SLC28A3: variants seen among roughly 807,000 people sequenced by gnomAD.
SLC28A3 encodes solute carrier family 28 member 3.
In SLC28A3, 68 loss-of-function variants were observed where a neutral mutation model predicts 84.2. The ratio of observed to expected loss-of-function variants is 0.81; its 90% CI spans 0.66 to 0.99. SLC28A3 has a LOEUF of 0.99. Ranked by LOEUF, SLC28A3 falls within the 50% of genes least tolerant of loss-of-function variation. SLC28A3 has a pLI of 0.00. For missense variants in SLC28A3, 712 were observed against 841.5 expected (o/e 0.85, Z 1.90); for synonymous variants, 267 against 303.6 (o/e 0.88, Z 1.25).
intron 5 of SLC28A3, 55 bp downstream of exon 5, chr9:84,302,145 G>A (rs1825655831): frequency 1.9e-6 from 3 of 1,550,474 alleles, no homozygotes; most frequent in East Asian, 4.5e-5. Context: ...TTGAAACGGT[G>A]TTGGAAAGGA....
intron 1 of SLC28A3, among the ~76,000 whole-genome samples, chr9:84,315,400 C>G (rs1332977441): frequency 6.6e-6 from 1 of 152,154 alleles, no homozygotes; most frequent in African/African-American, 2.4e-5. Flanking sequence ...CTTACGGAAT[C>G]CTGACATTTT....
Position 84,275,997 on chromosome 9 carries a change from T to C in SLC28A3, c.*2221A>G, listed in dbSNP as rs1588548506. 1 of 152,156 alleles carries C rather than the reference T, an allele frequency of 6.6e-6. No individual in the cohort carries two copies. The highest frequency in any genetic ancestry group is 2.1e-4 in the South Asian group (1 of 4,834). 9.4% of individuals were successfully genotyped at this position (152,156 alleles called of 1,614,324 possible). The stretch of plus-strand genomic sequence containing the variant: ...CAGAAATATACACACACTTCAAACC[T>C]GGGAAATCATCCTATGAATCTGCTC... On this transcript the variant is annotated 3_prime_UTR_variant, in exon 18 of 18. Coordinates refer to ENST00000376238, the MANE Select transcript of SLC28A3 (RefSeq NM_001199633.2).
rs111722699 is a variant in SLC28A3, at chr9:84,288,916, C to T, written c.1150-738G>A. ...GGAGAAGGGACTCATGATTCATGTG[C>T]AGATGTGTATATTCTCCTCTCTCCA... is the stretch of plus-strand genomic sequence containing the variant. On this transcript the variant is annotated intron_variant, in intron 11 of 17. Coordinates refer to ENST00000376238, the MANE Select transcript of SLC28A3 (RefSeq NM_001199633.2). 5.3e-5 allele frequency among the ~76,000 whole-genome samples: 8 copies of T among 152,250 alleles called. 1 individual carries two copies. The highest frequency in any genetic ancestry group is 1.9e-4 in the African/African-American group (8 of 41,560).
the SLC28A3 span, among the ~76,000 whole-genome samples, chr9:84,345,844 C>A: frequency 2.6e-5 from 4 of 152,178 alleles, no homozygotes; most frequent in African/African-American, 9.7e-5. Flanking sequence ...ATTCTGACTC[C>A]TTGCAGCACC....
At chr9:84,302,646 G>T (rs1825674837) in intron 4 of SLC28A3, among the ~76,000 whole-genome samples, 1 of 152,148 alleles carries the variant, frequency 6.6e-6, no homozygotes, top group Non-Finnish European at 1.5e-5. Flanking sequence ...GACCTTCTGA[G>T]TTCTTGAATC....
the SLC28A3 span, among the ~76,000 whole-genome samples, chr9:84,362,736 A>G: frequency 2.0e-5 from 3 of 152,102 alleles, no homozygotes; most frequent in Middle Eastern, 3.2e-3. Flanking sequence ...TTTAAATGCC[A>G]TGGACCGCTT....
intron 1 of SLC28A3, among the ~76,000 whole-genome samples, chr9:84,333,188 G>T (rs192727445): frequency 6.6e-6 from 1 of 152,148 alleles, no homozygotes; most frequent in Non-Finnish European, 1.5e-5. Flanking sequence ...TAATACAGAC[G>T]AAATGGGGTA....
intron 1 of SLC28A3, among the ~76,000 whole-genome samples, chr9:84,318,648 C>T (rs879536007): frequency 6.6e-6 from 1 of 152,000 alleles, no homozygotes; most frequent in Admixed American, 6.6e-5. Flanking sequence ...GAGGTTGGAT[C>T]GCCTGAGGTC....
chr9:84,305,148 G>A, intron 4 of SLC28A3, 106 bp downstream of exon 4: 23 of 957,522 alleles, frequency 2.4e-5, no homozygotes, highest in Non-Finnish European at 3.6e-5. Flanking sequence ...AGGTCCCAGA[G>A]AAAATAAAGG....
At chr9:84,354,370 C>A in the SLC28A3 span, among the ~76,000 whole-genome samples, 1 of 152,186 alleles carries the variant, frequency 6.6e-6, no homozygotes, top group Admixed American at 6.5e-5. Flanking sequence ...TAAATACCAT[C>A]CCCCCTGAAA....
chr9:84,333,312 C>CA (rs1422491394), intron 1 of SLC28A3, among the ~76,000 whole-genome samples: 1 of 152,040 alleles, frequency 6.6e-6, no homozygotes, highest in African/African-American at 2.4e-5. Flanking sequence ...TCCTTGTGGG[C>CA]AAAACATGGG....
intron 14 of SLC28A3, among the ~76,000 whole-genome samples, chr9:84,283,412 TTA>T (rs1437593830): frequency 6.6e-6 from 1 of 152,222 alleles, no homozygotes; most frequent in Non-Finnish European, 1.5e-5. Context: ...TTAAGATGAA[TTA>T]CGGTGTGCTA....
chr9:84,355,509 C>T, the SLC28A3 span, among the ~76,000 whole-genome samples: 1 of 152,166 alleles, frequency 6.6e-6, no homozygotes, highest in Admixed American at 6.5e-5. Context: ...CACCAGATAT[C>T]ATGAACTTCT....
chr9:84,301,521 A>C (rs1219038273), intron 5 of SLC28A3, among the ~76,000 whole-genome samples: 2 of 152,200 alleles, frequency 1.3e-5, no homozygotes. Flanking sequence ...TATTTTGACC[A>C]TAGCCCCATG....
chr9:84,338,436 C>G (rs569014636), intron 1 of SLC28A3, among the ~76,000 whole-genome samples: 2 of 152,178 alleles, frequency 1.3e-5, no homozygotes, highest in Non-Finnish European at 2.9e-5. Context: ...GACAAATTGT[C>G]TTCACTATTT....
At chr9:84,310,249 A>T in intron 2 of SLC28A3, among the ~76,000 whole-genome samples, 1 of 152,182 alleles carries the variant, frequency 6.6e-6, no homozygotes, top group East Asian at 1.9e-4. Context: ...AGTTGGGCTA[A>T]AGGGGACTAT....
intron 2 of SLC28A3, among the ~76,000 whole-genome samples, chr9:84,312,097 T>C (rs1826007896): frequency 6.6e-6 from 1 of 152,242 alleles, no homozygotes. Flanking sequence ...CATGTCTGAA[T>C]GTACCACAGT....
chr9:84,332,095 G>C (rs1389771156), intron 1 of SLC28A3, among the ~76,000 whole-genome samples: 1 of 152,118 alleles, frequency 6.6e-6, no homozygotes, highest in African/African-American at 2.4e-5. Flanking sequence ...TCAATTTCAG[G>C]GGGAATAGAG....
chr9:84,298,578 T>G lies in SLC28A3; in HGVS notation c.670-559A>C, dbSNP rs117077680. On this transcript the variant is annotated intron_variant, in intron 6 of 17. Coordinates refer to ENST00000376238, the MANE Select transcript of SLC28A3 (RefSeq NM_001199633.2). ...GTCCAGGAAAGTATTTAAGTAACCA[T>G]TATGTCCTGATAAATTACTTGGATA... Among the ~76,000 whole-genome samples the G allele has an allele frequency of 9.0e-3, 1,373 of 152,304 alleles. 11 individuals are homozygous for G. Among genetic ancestry groups the G allele is most frequent in the South Asian group, 0.016 (79 of 4,826 alleles).
Sources: allele counts gnomAD v4.1 joint callset (sites outside exome capture counted in the v4.1 genomes callset), GRCh38; gene constraint gnomAD v4.1.1; transcripts MANE v1.5; gene names NCBI Gene and HGNC (gene_info 2026-07-23, HGNC 2026-07-21).